TOMM70: variants seen among roughly 807,000 people sequenced by gnomAD.
TOMM70 encodes the protein translocase of outer mitochondrial membrane 70, also known as mitochondrial import receptor subunit TOM70.
A neutral mutation model predicts 73.6 loss-of-function variants in TOMM70; 13 were observed. The ratio of observed to expected loss-of-function variants is 0.18; its 90% CI spans 0.11 to 0.28. The LOEUF is 0.28. Ranked by LOEUF, TOMM70 falls within the 10% of genes least tolerant of loss-of-function variation. The pLI, the probability that TOMM70 is intolerant of heterozygous loss-of-function variation, is 1.00. For synonymous variants in TOMM70, 257 were observed against 271.2 expected (o/e 0.95, Z 0.51); for missense variants, 609 against 747.5 (o/e 0.81, Z 2.16).
intron 11 of TOMM70, among the ~76,000 whole-genome samples, chr3:100,367,400 G>T (rs1706457246): frequency 6.6e-6 from 1 of 152,098 alleles, no homozygotes; most frequent in African/African-American, 2.4e-5. Flanking sequence ...AAGTGATAAT[G>T]CCAAGATCAG....
At position 100,386,273 on chromosome 3, in the gene TOMM70, G is replaced by A; in HGVS notation, c.570C>T (p.Leu190=). 1 of 1,613,246 alleles carries A rather than the reference G, an allele frequency of 6.2e-7. No individual in the cohort carries two copies. The highest frequency in any genetic ancestry group is 8.5e-7 in the Non-Finnish European group (1 of 1,179,576). Residue 190 remains leucine, a synonymous_variant, in exon 3 of 12, where the codon CTC becomes CTT. Coordinates refer to ENST00000284320, the MANE Select transcript of TOMM70 (RefSeq NM_014820.5). ...VELNPKYVKA[L]FRRAKAHEKL... is the part of the protein sequence containing the mutation. ...TCTCATGGGCTTTTGCACGTCTAAAGAGAGCTTTCACATATTTGGGATTAA... is the reference window on the plus strand; with the variant it reads ...TCTCATGGGCTTTTGCACGTCTAAAAAGAGCTTTCACATATTTGGGATTAA...
At chr3:100,392,877 T>C (rs1308496474) in intron 1 of TOMM70, among the ~76,000 whole-genome samples, 2 of 152,046 alleles carry the variant, frequency 1.3e-5, no homozygotes, top group Non-Finnish European at 2.9e-5. Context: ...CAATTCACCA[T>C]TGCAAAGATA....
chr3:100,379,176 G>C (rs1706601710), intron 5 of TOMM70, among the ~76,000 whole-genome samples: 1 of 149,852 alleles, frequency 6.7e-6, no homozygotes, highest in African/African-American at 2.4e-5. Flanking sequence ...GACTTTTATG[G>C]AGATGCTTGT....
chr3:100,399,814 C>T (rs929033472), intron 1 of TOMM70, among the ~76,000 whole-genome samples: 9 of 147,456 alleles, frequency 6.1e-5, no homozygotes, highest in Admixed American at 2.1e-4. Flanking sequence ...GCCTGGTGAG[C>T]ATTGCTGTGG....
At chr3:100,392,219 G>A (rs928440370) in intron 1 of TOMM70, among the ~76,000 whole-genome samples, 2 of 152,152 alleles carry the variant, frequency 1.3e-5, no homozygotes, top group African/African-American at 4.8e-5. Context: ...GTTAAGTGAT[G>A]CATGACTATA....
At chr3:100,397,678 C>G (rs2148895576) in intron 1 of TOMM70, among the ~76,000 whole-genome samples, 1 of 152,220 alleles carries the variant, frequency 6.6e-6, no homozygotes, top group Admixed American at 6.5e-5. Context: ...ATCACGAGGT[C>G]AGGAGTTTGA....
At chr3:100,394,030 C>T (rs1171929995) in intron 1 of TOMM70, among the ~76,000 whole-genome samples, 1 of 152,150 alleles carries the variant, frequency 6.6e-6, no homozygotes, top group African/African-American at 2.4e-5. Context: ...AATAAGAAAA[C>T]TATTATAAAT....
Position 100,377,809 on chromosome 3 carries a change from C to T in TOMM70, c.988G>A (p.Glu330Lys). 6.2e-7 allele frequency: 1 copy of T among 1,614,228 alleles called. No homozygotes were observed. Among genetic ancestry groups the T allele is most frequent in the African/African-American group, 1.3e-5 (1 of 75,070 alleles). ...EIDAEGKYMA[E>K]ALLLRATFYL... Reference sequence around the variant, plus strand: ...AAGGTAGCTCGTAGTAGCAATGCTTCTGCCATGTATTTGCCTTCAGCATCT... The same window carrying T: ...AAGGTAGCTCGTAGTAGCAATGCTTTTGCCATGTATTTGCCTTCAGCATCT... The change falls in exon 6 of 12, where the codon GAA becomes AAA. Residue 330 changes from glutamate to lysine, a missense_variant. By Grantham distance (56) the Glu-to-Lys change is moderately conservative. This residue lies in a region of TOMM70 where 432 missense variants were observed against 584.1 expected (regional missense o/e 0.74). Coordinates refer to ENST00000284320, the MANE Select transcript of TOMM70 (RefSeq NM_014820.5).
intron 9 of TOMM70, 38 bp from the exon 10 acceptor site, chr3:100,369,173 G>A (rs767520017): frequency 1.9e-5 from 27 of 1,404,040 alleles, no homozygotes; most frequent in African/African-American, 5.7e-5. Flanking sequence ...TAAGGTAACC[G>A]TCAACCTAAG....
At position 100,363,765 on chromosome 3, in the gene TOMM70, T is replaced by G. The variant is rs1165653898; in HGVS notation, c.*1799A>C. Reference sequence around the variant, plus strand: ...CAGAGATGTAGAACATTTCTGTATTTGGGGGTTATCAGAAGGTGCATAATT... The same window carrying G: ...CAGAGATGTAGAACATTTCTGTATTGGGGGGTTATCAGAAGGTGCATAATT... On this transcript the variant is annotated 3_prime_UTR_variant, in exon 12 of 12. Transcript: ENST00000284320. 1 of 152,502 alleles carries G rather than the reference T, an allele frequency of 6.6e-6. No homozygotes were observed. The highest frequency in any genetic ancestry group is 1.9e-4 in the East Asian group (1 of 5,200). The allele number at this position is 152,502 out of a possible 1,614,324, so 9.4% of individuals were successfully genotyped here.
intron 9 of TOMM70, among the ~76,000 whole-genome samples, chr3:100,371,407 G>C (rs1226235195): frequency 6.6e-6 from 1 of 151,588 alleles, no homozygotes; most frequent in Non-Finnish European, 1.5e-5. Flanking sequence ...TGGGATAACA[G>C]GTGTGCGCCA....
rs1477962781 is a variant in TOMM70, at chr3:100,364,443, T to C, written c.*1121A>G. ...CATCCTTTTTGACCCTTTAGCCACA[T>C]GTCCTTCACGAGAAATTTTAAGCTA... On this transcript the variant is annotated 3_prime_UTR_variant, in exon 12 of 12. Transcript: ENST00000284320. The C allele has an allele frequency of 2.0e-5, 3 of 152,236 alleles. No individual in the cohort carries two copies. The highest frequency in any genetic ancestry group is 4.4e-5 in the Non-Finnish European group (3 of 68,042). The allele number at this position is 152,236 out of a possible 1,614,324, so 9.4% of individuals were successfully genotyped here. A position where few individuals can be genotyped will look rare whatever the true frequency, so the allele number is the denominator to read the frequency against.
intron 1 of TOMM70, among the ~76,000 whole-genome samples, chr3:100,394,079 T>C (rs991822348): frequency 6.6e-6 from 1 of 152,230 alleles, no homozygotes; most frequent in East Asian, 1.9e-4. Flanking sequence ...TGATCACGTA[T>C]AGTCACTGTA....
chr3:100,374,656 A>G (rs1313216919), intron 7 of TOMM70, among the ~76,000 whole-genome samples: 1 of 152,200 alleles, frequency 6.6e-6, no homozygotes, highest in Non-Finnish European at 1.5e-5. Context: ...TCCTTATAGC[A>G]AGAAGCTCAC....
intron 11 of TOMM70, among the ~76,000 whole-genome samples, chr3:100,367,711 G>A (rs1315326145): frequency 6.6e-6 from 1 of 152,174 alleles, no homozygotes; most frequent in East Asian, 1.9e-4. Flanking sequence ...AGCAACTCTG[G>A]ATAAACACTT....
chr3:100,400,714 C>A lies in TOMM70; in HGVS notation c.236G>T (p.Arg79Leu). 1.2e-6 allele frequency: 2 copies of A among 1,609,592 alleles called. No individual in the cohort carries two copies. Among genetic ancestry groups the A allele is most frequent in the Non-Finnish European group, 1.7e-6 (2 of 1,179,084 alleles). Residue 79 changes from arginine to leucine, a missense_variant, in exon 1 of 12, where the codon CGC (arginine) becomes CTC (leucine). Arg to Leu is a moderately radical substitution (Grantham distance 102). Transcript: ENST00000284320. Reference protein sequence around the residue: ...RGRGDASGLKRNSERKTPEGR... With the variant: ...RGRGDASGLKLNSERKTPEGR... ...CTCCGGGGTCTTCCGTTCGCTGTTG[C>A]GCTTCAGGCCGCTGGCGTCGCCCCG... is the stretch of plus-strand genomic sequence containing the variant.
At chr3:100,382,862 T>G (rs1706646812) in intron 4 of TOMM70, among the ~76,000 whole-genome samples, 1 of 152,178 alleles carries the variant, frequency 6.6e-6, no homozygotes, top group East Asian at 1.9e-4. Flanking sequence ...TGTGATATTA[T>G]GCATGTCATT....
Position 100,400,961 on chromosome 3 carries a change from T to A in TOMM70, c.-12A>T, listed in dbSNP as rs1389302896. The A allele has an allele frequency of 1.2e-5, 19 of 1,527,618 alleles. 1 individual carries two copies. Among genetic ancestry groups the A allele is most frequent in the Non-Finnish European group, 1.7e-5 (19 of 1,143,598 alleles). The allele number at this position is 1,527,618 out of a possible 1,614,324, so 94.6% of individuals were successfully genotyped here. On this transcript the variant is annotated 5_prime_UTR_variant, in exon 1 of 12. Coordinates refer to ENST00000284320, the MANE Select transcript of TOMM70 (RefSeq NM_014820.5). ...TTAGAGGCGGCCATGACAAGTGTCC[T>A]CTGCCACCGCCTCCCTGTCTGTCGC...
chr3:100,388,193 G>A (rs1424944408), intron 1 of TOMM70, among the ~76,000 whole-genome samples: 1 of 152,128 alleles, frequency 6.6e-6, no homozygotes, highest in Non-Finnish European at 1.5e-5. Flanking sequence ...ATATGTGCCA[G>A]GACTAACAGA....
Sources: gnomAD v4.1 joint callset for allele counts (sites outside exome capture counted in the v4.1 genomes callset) on GRCh38, gnomAD v4.1.1 for gene constraint, gnomAD v4.1.1 regional missense constraint, MANE v1.5 for transcripts, NCBI Gene and HGNC (gene_info 2026-07-23, HGNC 2026-07-21) for gene names.